The following COL19A1 variants were observed in gnomAD, a reference collection of about 807,000 sequenced individuals.
COL19A1 encodes the protein collagen type XIX alpha 1 chain.
A neutral mutation model predicts 190.2 loss-of-function variants in COL19A1; 159 were observed. The observed-to-expected ratio is 0.84, with a 90% CI of 0.73 to 0.95. The LOEUF is 0.95. COL19A1 is among the 40% of genes least tolerant of loss of function. The pLI is 0.00. For synonymous variants in COL19A1, 509 were observed against 458.9 expected (o/e 1.11, Z -1.39); for missense variants, 1,418 against 1,431.9 (o/e 0.99, Z 0.16).
chr6:69,926,527 C>A (rs1338041008), intron 4 of COL19A1, among the ~76,000 whole-genome samples: 2 of 151,870 alleles, frequency 1.3e-5, no homozygotes, highest in African/African-American at 2.4e-5. Flanking sequence ...AGGAGGGGTT[C>A]AAGAACTGAT....
rs187858921 is a variant in COL19A1, at chr6:70,081,275, C to T, written c.1224+12799C>T. 3.3e-3 allele frequency among the ~76,000 whole-genome samples: 506 copies of T among 152,200 alleles called. 2 individuals are homozygous for T. Among genetic ancestry groups the T allele is most frequent in the African/African-American group, 0.012 (481 of 41,534 alleles). On this transcript the variant is annotated intron_variant, in intron 15 of 50. Transcript: ENST00000620364. Reference sequence around the variant, plus strand: ...TTCTGCATGCTCTACCTCCATACTACTTTCTATCTTATTTTCCATTTAAAT... The same window carrying T: ...TTCTGCATGCTCTACCTCCATACTATTTTCTATCTTATTTTCCATTTAAAT...
intron 40 of COL19A1, among the ~76,000 whole-genome samples, chr6:70,169,622 G>A (rs1239548345): frequency 2.0e-5 from 3 of 152,204 alleles, no homozygotes; most frequent in Non-Finnish European, 2.9e-5. Flanking sequence ...TATATTAAAA[G>A]CCAAATTGTT....
chr6:70,138,605 C>A (rs1258924926), intron 19 of COL19A1, among the ~76,000 whole-genome samples: 1 of 152,084 alleles, frequency 6.6e-6, no homozygotes, highest in African/African-American at 2.4e-5. Flanking sequence ...GAAGAGGTCA[C>A]TAAATTGCCT....
rs140895847 is a variant in COL19A1 at position 70,171,199 on chromosome 6, T to C, written c.2569-765T>C. On this transcript the variant is annotated intron_variant, in intron 40 of 50. Coordinates refer to ENST00000620364, the MANE Select transcript of COL19A1 (RefSeq NM_001858.6). Reference sequence around the variant, plus strand: ...ATCAGCTATCGTTAGTGTTAGTGTATTTTATTGGAAGACAATTCTTTTTCT... The same window carrying C: ...ATCAGCTATCGTTAGTGTTAGTGTACTTTATTGGAAGACAATTCTTTTTCT... 5.9e-5 allele frequency among the ~76,000 whole-genome samples: 9 copies of C among 152,284 alleles called. No individual in the cohort carries two copies. The East Asian group carries it at 1.7e-3, about 29-fold the overall frequency.
At chr6:70,126,871 A>G (rs1413382088) in intron 17 of COL19A1, among the ~76,000 whole-genome samples, 2 of 152,220 alleles carry the variant, frequency 1.3e-5, no homozygotes, top group African/African-American at 2.4e-5. Flanking sequence ...AACTATAGCA[A>G]TAGTGATCTG....
At chr6:69,971,199 A>G (rs1201905783) in intron 11 of COL19A1, among the ~76,000 whole-genome samples, 1 of 152,226 alleles carries the variant, frequency 6.6e-6, no homozygotes, top group Non-Finnish European at 1.5e-5. Flanking sequence ...TTTTATGAAC[A>G]TTAGTCTTTT....
intron 2 of COL19A1, among the ~76,000 whole-genome samples, 183 bp from the exon 3 acceptor site, chr6:69,898,765 A>G (rs1291714881): frequency 6.6e-6 from 1 of 152,206 alleles, no homozygotes; most frequent in East Asian, 1.9e-4. Context: ...TTAGCACTCT[A>G]CATAAGTAAC....
At chr6:69,945,539 A>C (rs930372802) in intron 9 of COL19A1, among the ~76,000 whole-genome samples, 3 of 152,182 alleles carry the variant, frequency 2.0e-5, no homozygotes, top group South Asian at 4.1e-4. Flanking sequence ...ACCTTCTCTT[A>C]GTAATAACTT....
At chr6:69,947,608 T>G (rs1773896302) in intron 9 of COL19A1, among the ~76,000 whole-genome samples, 2 of 151,860 alleles carry the variant, frequency 1.3e-5, no homozygotes, top group South Asian at 4.1e-4. Context: ...GCATTCTAGC[T>G]GCACTGATTA....
chr6:70,079,365 A>T (rs1489745099), intron 15 of COL19A1, among the ~76,000 whole-genome samples: 1 of 152,198 alleles, frequency 6.6e-6, no homozygotes, highest in Non-Finnish European at 1.5e-5. Context: ...ATGTGAGCTG[A>T]GTAGAAGAAC....
intron 16 of COL19A1, among the ~76,000 whole-genome samples, chr6:70,110,363 A>C (rs949904605): frequency 2.0e-5 from 3 of 152,180 alleles, no homozygotes; most frequent in Admixed American, 6.6e-5. Context: ...AAGTCTGTGC[A>C]ATGTAATATC....
intron 14 of COL19A1, among the ~76,000 whole-genome samples, chr6:70,064,687 G>T (rs915865688): frequency 3.9e-5 from 6 of 152,170 alleles, no homozygotes; most frequent in African/African-American, 1.4e-4. Context: ...GTTTGCAGAT[G>T]ACATGATTGT....
intron 48 of COL19A1, 134 bp from the exon 49 acceptor site, chr6:70,199,474 G>C: frequency 1.5e-6 from 1 of 653,324 alleles, no homozygotes; most frequent in Middle Eastern, 4.9e-4. Flanking sequence ...TCAGCAGTCA[G>C]ACCAGTTGGT....
At chr6:69,913,122 G>A (rs533059246) in intron 4 of COL19A1, among the ~76,000 whole-genome samples, 2 of 151,948 alleles carry the variant, frequency 1.3e-5, no homozygotes, top group Non-Finnish European at 2.9e-5. Flanking sequence ...TGAATACGAG[G>A]CAATTCTCTC....
chr6:70,209,301 AT>A lies in COL19A1; in HGVS notation c.*2033del, dbSNP rs1466088702. The stretch of plus-strand genomic sequence containing the variant: ...AATATTTTATATGTTTTCAAAGATT[AT>A]TTTTTCATATTAATAGGTTGTTTAT... On this transcript the variant is annotated 3_prime_UTR_variant, in exon 51 of 51. Coordinates refer to ENST00000620364, the MANE Select transcript of COL19A1 (RefSeq NM_001858.6). 6.6e-6 allele frequency: 1 copy of A among 152,392 alleles called. No individual in the cohort carries two copies. The highest frequency in any genetic ancestry group is 1.5e-5 in the Non-Finnish European group (1 of 67,978). 9.4% of individuals were successfully genotyped at this position (152,392 alleles called of 1,614,324 possible).
In COL19A1 at chr6:69,929,570, A is replaced by G. The variant is rs375356627; in HGVS notation, c.536A>G (p.Gln179Arg). 6.2e-6 allele frequency: 10 copies of G among 1,613,920 alleles called. No individual in the cohort carries two copies. The highest frequency in any genetic ancestry group is 8.5e-6 in the Non-Finnish European group (10 of 1,179,996). ...RQWHKLGISI[Q>R]SQVISLYMDC... ...TGGCACAAACTTGGCATTAGTATAC[A>G]ATCCCAGGTCATTTCACTTTATATG... The change falls in exon 6 of 51, where the codon CAA becomes CGA. Residue 179 changes from glutamine to arginine, a missense_variant. Physicochemically the swap from Gln to Arg is conservative, Grantham distance 43. Coordinates refer to ENST00000620364, the MANE Select transcript of COL19A1 (RefSeq NM_001858.6).
chr6:70,133,059 C>T (rs1221701693), intron 18 of COL19A1, among the ~76,000 whole-genome samples: 1 of 152,188 alleles, frequency 6.6e-6, no homozygotes, highest in Non-Finnish European at 1.5e-5. Context: ...TCTCATTTAG[C>T]ACTTTTGAGG....
At chr6:70,055,949 T>C (rs1325756582) in intron 14 of COL19A1, among the ~76,000 whole-genome samples, 1 of 152,096 alleles carries the variant, frequency 6.6e-6, no homozygotes, top group African/African-American at 2.4e-5. Context: ...TTGCCTTCCA[T>C]ATTTTTCAAA....
chr6:70,201,613 C>CAT (rs1767559940), intron 49 of COL19A1, among the ~76,000 whole-genome samples: 1 of 152,214 alleles, frequency 6.6e-6, no homozygotes, highest in Non-Finnish European at 1.5e-5. Context: ...TGACAACAGA[C>CAT]ATATCTTGAC....
Sources: gnomAD v4.1 joint callset for allele counts (sites outside exome capture counted in the v4.1 genomes callset) on GRCh38, gnomAD v4.1.1 for gene constraint, MANE v1.5 for transcripts, NCBI Gene and HGNC (gene_info 2026-07-23, HGNC 2026-07-21) for gene names.